SNRPN: variants seen among roughly 807,000 people sequenced by gnomAD.
SNRPN encodes the protein small nuclear ribonucleoprotein-associated protein N.
A neutral mutation model predicts 25.2 loss-of-function variants in SNRPN; 7 were observed. The observed-to-expected ratio is 0.28, with a 90% CI of 0.16 to 0.52. The LOEUF (loss-of-function observed/expected upper bound fraction) is 0.52, where lower values mean the gene tolerates loss of function less well. Ranked by LOEUF, SNRPN falls within the 20% of genes least tolerant of loss-of-function variation. The probability of loss-of-function intolerance (pLI) is 0.96; values close to 1 mark genes in which losing one functional copy is unlikely to be tolerated. For missense variants in SNRPN, 196 were observed against 322.5 expected, an observed-to-expected ratio of 0.61 and a Z score of 3.00; for synonymous variants, 124 against 110.6, an observed-to-expected ratio of 1.12 and a Z score of -0.76.
At position 24,976,925 on chromosome 15, in the gene SNRPN, G is replaced by A. The variant is rs1242054087; in HGVS notation, c.316G>A (p.Val106Ile). 2 of 1,608,172 alleles carry A rather than the reference G, an allele frequency of 1.2e-6. No homozygotes were observed. The highest frequency in any genetic ancestry group is 1.7e-6 in the Non-Finnish European group (2 of 1,178,246). Residue 106 changes from valine (V) to isoleucine (I), a missense_variant, in exon 7 of 10, where the codon GTT becomes ATT. Coordinates refer to ENST00000390687, the MANE Select transcript of SNRPN (RefSeq NM_003097.6). ...TGCTGGAGCTGCTGGAGGCCCTGGG[G>A]TTGGTAGGGCAGCTGGTAGAGGAGT... The part of the protein sequence containing the change: ...PLAGAAGGPG[V>I]GRAAGRGVPA...
At chr15:24,855,777 G>A (rs1291840325), upstream of SNRPN, among the ~76,000 whole-genome samples, 1 of 125,076 alleles carries the variant, frequency 8.0e-6, no homozygotes, top group African/African-American at 3.0e-5. Context: ...GGGCAACAGA[G>A]CGAGAATCTG....
intron 3 of SNRPN, among the ~76,000 whole-genome samples, chr15:24,930,955 A>G (rs1328524532): frequency 6.6e-6 from 1 of 151,514 alleles, no homozygotes; most frequent in African/African-American, 2.4e-5. Context: ...AGTCCCAGCT[A>G]CTCAAGAGGC....
At chr15:24,946,253 G>A (rs777297258) in intron 3 of SNRPN, among the ~76,000 whole-genome samples, 1 of 151,912 alleles carries the variant, frequency 6.6e-6, no homozygotes, top group Non-Finnish European at 1.5e-5. Context: ...AAAAGGGATG[G>A]AAATAGGGCC....
intron 1 of SNRPN, among the ~76,000 whole-genome samples, chr15:24,864,928 C>A (rs1280778285): frequency 6.6e-6 from 1 of 151,776 alleles, no homozygotes; most frequent in Non-Finnish European, 1.5e-5. Flanking sequence ...ATCATGAGAT[C>A]TATAAATTTG....
At chr15:24,890,615 G>C (rs936047205) in intron 2 of SNRPN, among the ~76,000 whole-genome samples, 1 of 152,082 alleles carries the variant, frequency 6.6e-6, no homozygotes. Flanking sequence ...GGAGGTGGAG[G>C]TTGCAGTGAG....
At position 24,845,734 on chromosome 15, in the gene SNRPN, A is replaced by T. The variant is rs149930781; in HGVS notation, c.-579+15829A>T. On this transcript the variant is annotated intron_variant, in intron 2 of 12. Transcript: ENST00000400100. Reference sequence around the variant, plus strand: ...TTTTGGAATCTACTTCTCAGTTTCTAAAAAAAATATAAAAAATCAGCTGAG... The same window carrying T: ...TTTTGGAATCTACTTCTCAGTTTCTTAAAAAAATATAAAAAATCAGCTGAG... Among the ~76,000 whole-genome samples, 307 of 151,390 alleles carry T rather than the reference A, an allele frequency of 2.0e-3. 1 individual carries two copies. The highest frequency in any genetic ancestry group is 7.0e-3 in the African/African-American group (290 of 41,486).
At chr15:24,852,787 G>A (rs2052990327), upstream of SNRPN, among the ~76,000 whole-genome samples, 1 of 152,086 alleles carries the variant, frequency 6.6e-6, no homozygotes, top group Admixed American at 6.6e-5. Context: ...TTAGCTAGGT[G>A]TTGCAGCATA....
At chr15:24,977,278 A>G (rs747866193) in intron 7 of SNRPN, among the ~76,000 whole-genome samples, 1 of 152,156 alleles carries the variant, frequency 6.6e-6, no homozygotes, top group Non-Finnish European at 1.5e-5. Flanking sequence ...AACAGAATGC[A>G]TGGATATACC....
At chr15:24,911,720 A>G (rs2059231948) in intron 2 of SNRPN, among the ~76,000 whole-genome samples, 1 of 152,226 alleles carries the variant, frequency 6.6e-6, no homozygotes, top group South Asian at 2.1e-4. Flanking sequence ...TCAGGGCCCA[A>G]TCAGAGAACT....
At chr15:24,824,299 C>G (rs1340676500) in intron 1 of SNRPN, among the ~76,000 whole-genome samples, 1 of 152,078 alleles carries the variant, frequency 6.6e-6, no homozygotes, top group Admixed American at 6.5e-5. Context: ...CACTGAGAGT[C>G]CCATTCTGAA....
At chr15:24,903,305 G>A (rs1489312811) in intron 2 of SNRPN, among the ~76,000 whole-genome samples, 4 of 152,190 alleles carry the variant, frequency 2.6e-5, no homozygotes, top group African/African-American at 4.8e-5. Flanking sequence ...GGATTCCACA[G>A]ATATGACTGT....
intron 2 of SNRPN, among the ~76,000 whole-genome samples, chr15:24,906,564 A>C (rs186639013): frequency 4.6e-5 from 7 of 152,324 alleles, no homozygotes; most frequent in African/African-American, 1.7e-4. Flanking sequence ...GCGTATAGAA[A>C]AGGACTGCTC....
At chr15:24,863,903 T>C (rs1483177132) in intron 1 of SNRPN, among the ~76,000 whole-genome samples, 2 of 151,008 alleles carry the variant, frequency 1.3e-5, no homozygotes, top group Non-Finnish European at 2.9e-5. Flanking sequence ...ACTCTCTCTT[T>C]TCTCCTGCTT....
chr15:24,846,227 C>T (rs1437641688), intron 2 of SNRPN, among the ~76,000 whole-genome samples: 3 of 152,074 alleles, frequency 2.0e-5, no homozygotes, highest in Non-Finnish European at 4.4e-5. Context: ...CACATTTTGT[C>T]AGGTTTATCT....
At chr15:24,887,139 C>A (rs2057266207) in intron 2 of SNRPN, among the ~76,000 whole-genome samples, 1 of 150,048 alleles carries the variant, frequency 6.7e-6, no homozygotes, top group African/African-American at 2.5e-5. Context: ...CGAGCACACA[C>A]TGAGGTCTTT....
chr15:24,875,262 G>C (rs1321117075), intron 1 of SNRPN, among the ~76,000 whole-genome samples: 1 of 152,150 alleles, frequency 6.6e-6, no homozygotes, highest in Non-Finnish European at 1.5e-5. Flanking sequence ...TTGTGAATCT[G>C]AGCTAAAGCC....
intron 1 of SNRPN, among the ~76,000 whole-genome samples, chr15:24,877,689 CACACACAA>C (rs746571058): frequency 1.4e-3 from 188 of 131,230 alleles, no homozygotes; most frequent in Middle Eastern, 7.9e-3. Flanking sequence ...CACACACACA[CACACACAA>C]ACACACTAGC....
intron 1 of SNRPN, among the ~76,000 whole-genome samples, chr15:24,878,675 A>G (rs1467048690): frequency 6.6e-6 from 1 of 152,198 alleles, no homozygotes; most frequent in African/African-American, 2.4e-5. Context: ...TATTTCTGTA[A>G]CAGCCCCTCC....
intron 2 of SNRPN, chr15:24,912,310 G>A (rs551044947): frequency 6.6e-6 from 1 of 152,228 alleles, no homozygotes; most frequent in East Asian, 1.9e-4. Context: ...TGTTTATCCT[G>A]TGCCTGTCCA....
Sources: gnomAD v4.1 joint callset for allele counts (sites outside exome capture counted in the v4.1 genomes callset) on GRCh38, gnomAD v4.1.1 for gene constraint, MANE v1.5 for transcripts, NCBI Gene and HGNC (gene_info 2026-07-23, HGNC 2026-07-21) for gene names.